The following ZFYVE26 variants were observed in gnomAD, a reference collection of about 807,000 sequenced individuals.
ZFYVE26 encodes zinc finger FYVE-type containing 26.
In ZFYVE26, 181 loss-of-function variants were observed where a neutral mutation model predicts 276.5. That is an observed-to-expected ratio of 0.65 (90% CI 0.58 to 0.74). The LOEUF is 0.74. Among genes scored for constraint, ZFYVE26 ranks in the 30% least tolerant of loss-of-function variants. The probability of loss-of-function intolerance (pLI) is 0.00; values close to 1 mark genes in which losing one functional copy is unlikely to be tolerated. For missense variants in ZFYVE26, 2,821 were observed against 3,097.9 expected (o/e 0.91, Z 2.12); for synonymous variants, 1,129 against 1,203.1 (o/e 0.94, Z 1.27).
chr14:67,813,170 T>C (rs1016118628), intron 3 of ZFYVE26, among the ~76,000 whole-genome samples: 8 of 152,134 alleles, frequency 5.3e-5, no homozygotes, highest in Admixed American at 1.3e-4. Context: ...TTACAGACAT[T>C]TTAAAAGTAG....
chr14:67,793,758 C>T lies in ZFYVE26; in HGVS notation c.2403G>A (p.Glu801=). The change falls in exon 14 of 42, where the codon GAG becomes GAA. Residue 801 remains glutamate, a splice_region_variant and synonymous_variant. Transcript: ENST00000347230. ...TSSELSTSTS[E]GSLSAMSGRN... ...GGCCAGACATGGCACTCAGACTTCC[C>T]TCTGTTGGGACACAAGAATGTGTGG... 1 of 1,613,824 alleles carries T rather than the reference C, an allele frequency of 6.2e-7. No homozygotes were observed. Among genetic ancestry groups the T allele is most frequent in the Non-Finnish European group, 8.5e-7 (1 of 1,179,946 alleles).
At chr14:67,787,177 C>CTA (rs2039681146) in intron 16 of ZFYVE26, among the ~76,000 whole-genome samples, 1 of 151,966 alleles carries the variant, frequency 6.6e-6, no homozygotes, top group South Asian at 2.1e-4. Flanking sequence ...AACCCCTTCT[C>CTA]TACTAAAGAT....
At chr14:67,777,500 CT>C in intron 25 of ZFYVE26, 58 bp downstream of exon 25, 48 of 1,611,956 alleles carry the variant, frequency 3.0e-5, no homozygotes, top group Non-Finnish European at 4.0e-5. Context: ...CCAACACCTC[CT>C]TTTCCTCCTT....
At position 67,756,481 on chromosome 14, in the gene ZFYVE26, G is replaced by C. The variant is rs77532552; in HGVS notation, c.6589-336C>G. The C allele has an allele frequency of 9.7e-3, 3,422 of 352,658 alleles. 52 individuals carry two copies. The highest frequency in any genetic ancestry group is 0.043 in the African/African-American group (2,076 of 48,136). 21.8% of individuals were successfully genotyped at this position (352,658 alleles called of 1,614,324 possible). A position where few individuals can be genotyped will look rare whatever the true frequency, so the allele number is the denominator to read the frequency against. On this transcript the variant is annotated intron_variant, in intron 35 of 41. Transcript: ENST00000347230. ...TTAGGTCACCAGTGACCACTAAACT[G>C]TAAATCTAACAGTTAATCCTTGATC...
At chr14:67,756,252 A>T (rs192465147) in intron 35 of ZFYVE26, 107 bp from the exon 36 acceptor site, 3 of 1,113,046 alleles carry the variant, frequency 2.7e-6, no homozygotes, top group Non-Finnish European at 4.1e-6. Context: ...CATCCTCCCA[A>T]TGCAGTGCTT....
At chr14:67,739,671 T>C (rs1014480060) in intron 13 of ZFYVE26, among the ~76,000 whole-genome samples, 5 of 152,348 alleles carry the variant, frequency 3.3e-5, no homozygotes, top group South Asian at 2.1e-4. Context: ...TCATCTTCCA[T>C]TGATTTCTGA....
intron 3 of ZFYVE26, 109 bp from the exon 4 acceptor site, chr14:67,809,398 A>G (rs1429619093): frequency 4.4e-6 from 3 of 688,574 alleles, no homozygotes; most frequent in Non-Finnish European, 7.1e-6. Context: ...TTTCTCTAAG[A>G]TGAAGCACTC....
chr14:67,779,238 T>C (rs2140217255), intron 23 of ZFYVE26, among the ~76,000 whole-genome samples: 1 of 152,334 alleles, frequency 6.6e-6, no homozygotes, highest in East Asian at 1.9e-4. Flanking sequence ...TACCATCTTA[T>C]TGCAAACAAT....
At chr14:67,735,006 T>C (rs1432668336) in intron 13 of ZFYVE26, among the ~76,000 whole-genome samples, 1 of 152,226 alleles carries the variant, frequency 6.6e-6, no homozygotes, top group African/African-American at 2.4e-5. Flanking sequence ...AGAGAAAATA[T>C]TTTAAATCTG....
At chr14:67,744,069 A>G (rs1555392326), downstream of ZFYVE26, among the ~76,000 whole-genome samples, 1 of 152,258 alleles carries the variant, frequency 6.6e-6, no homozygotes, top group Non-Finnish European at 1.5e-5. Context: ...AGGATAGGTC[A>G]GTCAACATTA....
In ZFYVE26 at chr14:67,805,208, G is replaced by A. The variant is rs1342369957; in HGVS notation, c.1271+9C>T. The A allele has an allele frequency of 6.2e-7, 1 of 1,613,218 alleles. No individual in the cohort carries two copies. Among genetic ancestry groups the A allele is most frequent in the East Asian group, 2.2e-5 (1 of 44,878 alleles). Reference sequence around the variant, plus strand: ...GTGGTGGGCAGGCGCTGACTGCACAGGGCCATACCTGCTCTGCTGTATGCA... The same window carrying A: ...GTGGTGGGCAGGCGCTGACTGCACAAGGCCATACCTGCTCTGCTGTATGCA... On this transcript the variant is annotated intron_variant, in intron 8 of 41. Transcript: ENST00000347230.
intron 30 of ZFYVE26, 99 bp from the exon 31 acceptor site, chr14:67,767,939 G>A (rs768785016): frequency 1.3e-6 from 2 of 1,520,070 alleles, no homozygotes; most frequent in East Asian, 2.3e-5. Context: ...ACACTTGCCT[G>A]CTATCTCAGG....
chr14:67,784,352 C>T lies in ZFYVE26; in HGVS notation c.3608G>A (p.Arg1203Lys), dbSNP rs1337349193. Residue 1203 changes from arginine to lysine, a missense_variant, in exon 20 of 42, where the codon AGA (arginine) becomes AAA (lysine). Physicochemically the swap from Arg to Lys is conservative, Grantham distance 26. Transcript: ENST00000347230. ...SQLVSHLLFERQVPPERLAAL... is the reference protein window; with the variant it reads ...SQLVSHLLFEKQVPPERLAAL... ...CTCCTACCTCTCTGGGGGAACTTGTCTCTCAAACAGGAGATGTGACACCAG... is the reference window on the plus strand; with the variant it reads ...CTCCTACCTCTCTGGGGGAACTTGTTTCTCAAACAGGAGATGTGACACCAG... 3.1e-6 allele frequency: 5 copies of T among 1,614,110 alleles called. No homozygotes were observed. Among genetic ancestry groups the T allele is most frequent in the Non-Finnish European group, 4.2e-6 (5 of 1,180,002 alleles).
intron 29 of ZFYVE26, 61 bp downstream of exon 29, chr14:67,769,533 A>G: frequency 6.2e-7 from 1 of 1,611,032 alleles, no homozygotes; most frequent in Non-Finnish European, 8.5e-7. Context: ...CTAGGAGTGT[A>G]GGGACCTGCG....
intron 29 of ZFYVE26, 54 bp downstream of exon 29, chr14:67,769,540 T>C (rs1267691222): frequency 1.2e-5 from 20 of 1,610,564 alleles, no homozygotes; most frequent in Non-Finnish European, 1.6e-5. Context: ...TGTAGGGACC[T>C]GCGGAAGGGT....
intron 35 of ZFYVE26, among the ~76,000 whole-genome samples, chr14:67,756,763 C>T (rs959755400): frequency 5.9e-5 from 9 of 152,178 alleles, no homozygotes; most frequent in African/African-American, 2.2e-4. Flanking sequence ...CATCCAGGCT[C>T]ACTGTTTAAT....
rs182716115 is a variant in ZFYVE26 at position 67,732,638 on chromosome 14, G to A, written n.2680-2819C>T. On this transcript the variant is annotated intron_variant and non_coding_transcript_variant, in intron 13 of 14. Coordinates refer to the ZFYVE26 transcript ENST00000394455. ...GTCGCCCAGGCTGGATTTCAGTGGC[G>A]TGATCTCCACTCACTGCAACCTCTG... 9.6e-4 allele frequency among the ~76,000 whole-genome samples: 146 copies of A among 151,750 alleles called. 1 individual carries two copies. The highest frequency in any genetic ancestry group is 3.4e-3 in the African/African-American group (140 of 41,408).
chr14:67,735,260 T>G, intron 13 of ZFYVE26: 1 of 1,169,384 alleles, frequency 8.6e-7, no homozygotes, highest in Non-Finnish European at 1.3e-6. Context: ...CCCTCAGCAC[T>G]ACTCCTTCAG....
intron 18 of ZFYVE26, 34 bp from the exon 19 acceptor site, chr14:67,785,311 C>T: frequency 1.0e-5 from 16 of 1,554,098 alleles, no homozygotes; most frequent in Non-Finnish European, 1.3e-5. Flanking sequence ...AGGACACAGG[C>T]TTCAGTCTGT....
Sources: gnomAD v4.1 joint callset for allele counts (sites outside exome capture counted in the v4.1 genomes callset) on GRCh38, gnomAD v4.1.1 for gene constraint, MANE v1.5 for transcripts, NCBI Gene and HGNC (gene_info 2026-07-23, HGNC 2026-07-21) for gene names.